Variants in PIGU observed in about 807,000 individuals in gnomAD.
The protein encoded by PIGU is GPI-anchor transamidase component PIGU.
A neutral mutation model predicts 49.9 loss-of-function variants in PIGU; 24 were observed. That is an observed-to-expected ratio of 0.48 (90% CI 0.35 to 0.68). The LOEUF (loss-of-function observed/expected upper bound fraction) is 0.68, where lower values mean the gene tolerates loss of function less well. Ranked by LOEUF, PIGU falls within the 30% of genes least tolerant of loss-of-function variation. PIGU has a pLI of 0.01. For missense variants in PIGU, 490 were observed against 532.6 expected (o/e 0.92, Z 0.79); for synonymous variants, 220 against 205.7 (o/e 1.07, Z -0.59).
At position 34,673,280 on chromosome 20, in the gene PIGU, A is replaced by T. The variant is rs1449820498; in HGVS notation, c.130+3676T>A. On this transcript the variant is annotated intron_variant, in intron 1 of 11. Coordinates refer to ENST00000217446, the MANE Select transcript of PIGU (RefSeq NM_080476.5). The stretch of plus-strand genomic sequence containing the variant: ...AAAAAAAAAAAAAAAAAAATGTAAA[A>T]TGTCATGTGAAACCAGAAGGAGTCC... Among the ~76,000 whole-genome samples, 4 of 152,028 alleles carry T rather than the reference A, an allele frequency of 2.6e-5. No individual in the cohort carries two copies. In the East Asian group the frequency reaches 7.7e-4, roughly 29 times the overall value.
At chr20:34,614,085 T>C (rs1475348940) in intron 7 of PIGU, among the ~76,000 whole-genome samples, 3 of 152,042 alleles carry the variant, frequency 2.0e-5, no homozygotes, top group Non-Finnish European at 2.9e-5. Flanking sequence ...CGCTTGAACC[T>C]AGGAGTTTGA....
At chr20:34,672,834 GAC>G (rs1242316076) in intron 1 of PIGU, among the ~76,000 whole-genome samples, 1 of 127,282 alleles carries the variant, frequency 7.9e-6, no homozygotes, top group African/African-American at 2.9e-5. Flanking sequence ...CAGCCTGGGA[GAC>G]AGAGTGGGAC....
chr20:34,565,184 T>G (rs981953706), intron 11 of PIGU, among the ~76,000 whole-genome samples: 1 of 152,196 alleles, frequency 6.6e-6, no homozygotes, highest in Non-Finnish European at 1.5e-5. Context: ...AGTCTCTTCC[T>G]GTCCCCTGGG....
At chr20:34,605,699 A>T (rs1156957973) in intron 7 of PIGU, among the ~76,000 whole-genome samples, 1 of 152,080 alleles carries the variant, frequency 6.6e-6, no homozygotes, top group Non-Finnish European at 1.5e-5. Flanking sequence ...CAGAGCCTGT[A>T]CTCTATTTCC....
chr20:34,669,321 C>T (rs1227768841), intron 1 of PIGU, among the ~76,000 whole-genome samples: 1 of 152,018 alleles, frequency 6.6e-6, no homozygotes, highest in Admixed American at 6.6e-5. Context: ...ATACAGATCT[C>T]TCTGCAATAT....
intron 2 of PIGU, among the ~76,000 whole-genome samples, chr20:34,653,215 C>T (rs549165266): frequency 1.2e-4 from 19 of 152,248 alleles, no homozygotes; most frequent in African/African-American, 4.1e-4. Context: ...TCAATCTACC[C>T]GCCTTGGCCT....
chr20:34,587,718 T>A (rs548387223), intron 8 of PIGU, among the ~76,000 whole-genome samples: 1 of 152,252 alleles, frequency 6.6e-6, no homozygotes, highest in South Asian at 2.1e-4. Flanking sequence ...TGTTTTAGAG[T>A]CCACATATAA....
intron 4 of PIGU, among the ~76,000 whole-genome samples, chr20:34,640,868 C>A (rs7274854): frequency 0.41 from 62,625 of 151,806 alleles, 13,331 homozygotes; most frequent in Admixed American, 0.56. Flanking sequence ...TAGGTTTTGC[C>A]AGGACATAAT....
chr20:34,675,248 CAAAAA>C (rs71196751), intron 1 of PIGU, among the ~76,000 whole-genome samples: 1 of 70,372 alleles, frequency 1.4e-5, no homozygotes, highest in African/African-American at 5.9e-5. Context: ...AACTCCATCT[CAAAAA>C]AAAAAAAAAA....
At chr20:34,634,066 A>T (rs1985879875) in intron 6 of PIGU, among the ~76,000 whole-genome samples, 1 of 151,984 alleles carries the variant, frequency 6.6e-6, no homozygotes, top group African/African-American at 2.4e-5. Context: ...TAAGCCTTTT[A>T]GAACCTTTTT....
chr20:34,584,329 A>T (rs1192190053), intron 9 of PIGU, among the ~76,000 whole-genome samples: 2 of 152,118 alleles, frequency 1.3e-5, no homozygotes, highest in Admixed American at 6.5e-5. Context: ...ACTGCAGAAG[A>T]GGACTCCACA....
chr20:34,672,857 A>T (rs967370269), intron 1 of PIGU, among the ~76,000 whole-genome samples: 8,276 of 135,994 alleles, frequency 0.061, 461 homozygotes, highest in East Asian at 0.15. Flanking sequence ...CCTGTCTCTC[A>T]AAAAAAAAAA....
At chr20:34,580,589 G>A (rs1983416713) in intron 10 of PIGU, among the ~76,000 whole-genome samples, 1 of 152,210 alleles carries the variant, frequency 6.6e-6, no homozygotes. Flanking sequence ...GGCAAGGAAA[G>A]TTCAACAGCT....
At chr20:34,580,114 C>T (rs765037813) in intron 10 of PIGU, among the ~76,000 whole-genome samples, 54 of 152,190 alleles carry the variant, frequency 3.5e-4, no homozygotes, top group Non-Finnish European at 6.8e-4. Flanking sequence ...GAAAGACAGT[C>T]ACTGAGAGAG....
At position 34,560,755 on chromosome 20, in the gene PIGU, C is replaced by T. The variant is rs750761873; in HGVS notation, c.*111G>A. ...TACCAGAGACTTGTGACCCTGGACT[C>T]GAACCTCTTCTGCCCAAGCACTCGC... On this transcript the variant is annotated 3_prime_UTR_variant, in exon 12 of 12. Coordinates refer to ENST00000217446, the MANE Select transcript of PIGU (RefSeq NM_080476.5). 181 of 743,780 alleles carry T rather than the reference C, an allele frequency of 2.4e-4. No homozygotes were observed. The highest frequency in any genetic ancestry group is 3.2e-4 in the Non-Finnish European group (158 of 487,830). The allele number at this position is 743,780 out of a possible 1,614,324, so 46.1% of individuals were successfully genotyped here. A position where few individuals can be genotyped will look rare whatever the true frequency, so the allele number is the denominator to read the frequency against.
intron 1 of PIGU, among the ~76,000 whole-genome samples, chr20:34,666,298 T>C (rs1180263094): frequency 6.6e-6 from 1 of 152,174 alleles, no homozygotes; most frequent in Non-Finnish European, 1.5e-5. Flanking sequence ...AGAACTCAAC[T>C]TTATGCCTTT....
chr20:34,561,017 C>T, intron 11 of PIGU, 38 bp from the exon 12 acceptor site: 2 of 1,436,194 alleles, frequency 1.4e-6, no homozygotes, highest in South Asian at 1.2e-5. Flanking sequence ...CTGCTGGGTA[C>T]CTCCCCCTAA....
intron 1 of PIGU, among the ~76,000 whole-genome samples, chr20:34,658,647 C>A (rs1400451751): frequency 1.3e-5 from 2 of 151,910 alleles, no homozygotes; most frequent in Non-Finnish European, 2.9e-5. Context: ...CAGCCGCGAC[C>A]CCATCTGGGA....
At chr20:34,598,373 A>G (rs1183543134) in intron 7 of PIGU, among the ~76,000 whole-genome samples, 1 of 152,140 alleles carries the variant, frequency 6.6e-6, no homozygotes. Context: ...AAGCATAGAG[A>G]GGTAGAGAAC....
Sources: allele counts gnomAD v4.1 joint callset (sites outside exome capture counted in the v4.1 genomes callset), GRCh38; gene constraint gnomAD v4.1.1; transcripts MANE v1.5; gene names NCBI Gene and HGNC (gene_info 2026-07-23, HGNC 2026-07-21).